Variants in DLGAP1 observed in about 807,000 individuals in gnomAD.
DLGAP1 encodes the protein DLG associated protein 1.
A neutral mutation model predicts 90.8 loss-of-function variants in DLGAP1; 11 were observed. The observed-to-expected ratio is 0.12, with a 90% CI of 0.08 to 0.20. The LOEUF is 0.20. Ranked by LOEUF, DLGAP1 falls within the 10% of genes least tolerant of loss-of-function variation. DLGAP1 has a pLI of 1.00. For missense variants in DLGAP1, 1,050 were observed against 1,333.8 expected, an observed-to-expected ratio of 0.79 and a Z score of 3.31; for synonymous variants, 558 against 540.7, an observed-to-expected ratio of 1.03 and a Z score of -0.44.
intron 1 of DLGAP1, among the ~76,000 whole-genome samples, chr18:4,306,962 T>C (rs1376445846): frequency 3.9e-5 from 6 of 152,230 alleles, no homozygotes; most frequent in Admixed American, 3.9e-4. Flanking sequence ...CAATAGCACG[T>C]TAATTTTAAC....
intron 7 of DLGAP1, among the ~76,000 whole-genome samples, chr18:3,590,769 T>A (rs902481880): frequency 1.7e-4 from 26 of 151,922 alleles, no homozygotes; most frequent in African/African-American, 6.0e-4. Context: ...GCAGGAGAAT[T>A]GCTTGAACCC....
chr18:4,403,533 A>T (rs1468645225), intron 1 of DLGAP1, among the ~76,000 whole-genome samples: 3 of 152,166 alleles, frequency 2.0e-5, no homozygotes, highest in Non-Finnish European at 4.4e-5. Context: ...TGCATGCTTT[A>T]AATTACGCAC....
chr18:3,792,717 T>C (rs1261504596), intron 5 of DLGAP1, among the ~76,000 whole-genome samples: 1 of 152,152 alleles, frequency 6.6e-6, no homozygotes, highest in African/African-American at 2.4e-5. Flanking sequence ...CCAGCTTCTT[T>C]GGGCACCTGT....
intron 7 of DLGAP1, among the ~76,000 whole-genome samples, chr18:3,619,520 G>C (rs1336590500): frequency 6.6e-6 from 1 of 152,068 alleles, no homozygotes; most frequent in Non-Finnish European, 1.5e-5. Context: ...TAGGTGTTTG[G>C]TGCATGGTCA....
chr18:4,092,287 T>C (rs1369567340), intron 2 of DLGAP1, among the ~76,000 whole-genome samples: 1 of 152,166 alleles, frequency 6.6e-6, no homozygotes, highest in East Asian at 1.9e-4. Context: ...TGTTACCTGG[T>C]GCTTATAAGG....
intron 2 of DLGAP1, among the ~76,000 whole-genome samples, chr18:4,045,626 C>T (rs909018762): frequency 2.6e-4 from 39 of 150,976 alleles, no homozygotes; most frequent in African/African-American, 9.5e-4. Flanking sequence ...AACAAAAAAA[C>T]CCAACATATT....
At chr18:3,668,089 C>T (rs2059944866) in intron 7 of DLGAP1, among the ~76,000 whole-genome samples, 2 of 152,178 alleles carry the variant, frequency 1.3e-5, no homozygotes, top group Admixed American at 1.3e-4. Context: ...GGCCCATGAT[C>T]TTTCTTAAAA....
chr18:3,861,362 T>C (rs372079952), intron 4 of DLGAP1, among the ~76,000 whole-genome samples: 2 of 152,244 alleles, frequency 1.3e-5, no homozygotes, highest in Non-Finnish European at 2.9e-5. Context: ...ATCAATTTTA[T>C]GCTTTTAAGG....
intron 7 of DLGAP1, among the ~76,000 whole-genome samples, chr18:3,693,551 C>T (rs1221971965): frequency 6.6e-6 from 1 of 152,200 alleles, no homozygotes; most frequent in Non-Finnish European, 1.5e-5. Context: ...GTGTGCCAGT[C>T]AGATTAGTGG....
chr18:3,747,344 T>C (rs534930269), intron 5 of DLGAP1, among the ~76,000 whole-genome samples: 3 of 152,360 alleles, frequency 2.0e-5, no homozygotes, highest in South Asian at 2.1e-4. Context: ...CGCTTTATAA[T>C]ACCAATGCCA....
chr18:4,439,821 A>G (rs565254715), intron 1 of DLGAP1, among the ~76,000 whole-genome samples: 2 of 152,062 alleles, frequency 1.3e-5, no homozygotes, highest in African/African-American at 2.4e-5. Flanking sequence ...AAAAAATTTT[A>G]AAAAAAGAAA....
intron 1 of DLGAP1, among the ~76,000 whole-genome samples, chr18:4,431,978 T>C (rs2083293144): frequency 6.6e-6 from 1 of 152,224 alleles, no homozygotes. Flanking sequence ...TGTGAAATAG[T>C]TTAAATGTCT....
chr18:3,832,998 T>A (rs2068116072), intron 4 of DLGAP1, among the ~76,000 whole-genome samples: 1 of 152,190 alleles, frequency 6.6e-6, no homozygotes. Context: ...AATAAATACA[T>A]GAGGCATAGA....
intron 1 of DLGAP1, among the ~76,000 whole-genome samples, chr18:4,161,426 T>C (rs966965733): frequency 1.3e-5 from 2 of 152,202 alleles, no homozygotes; most frequent in African/African-American, 4.8e-5. Flanking sequence ...CATGATCTCA[T>C]TTCTTTTCAT....
intron 3 of DLGAP1, among the ~76,000 whole-genome samples, chr18:3,885,843 C>T (rs1178383527): frequency 6.6e-6 from 1 of 152,212 alleles, no homozygotes; most frequent in African/African-American, 2.4e-5. Flanking sequence ...AGAGTTCCAA[C>T]ACCTGGAGCA....
rs1468645487 is a variant in DLGAP1, at chr18:4,192,135, CCTTA to C, written c.-266-40852_-266-40849del. ...TTTTTCTCCTGATCATAAAAAACGC[CCTTA>C]TTTATAACATTTCTCAAGGGTAAGG... On this transcript the variant is annotated intron_variant, in intron 1 of 12. Coordinates refer to ENST00000315677, the MANE Select transcript of DLGAP1 (RefSeq NM_004746.4). Among the ~76,000 whole-genome samples the C allele has an allele frequency of 2.6e-5, 4 of 152,190 alleles. No homozygotes were observed. The South Asian group carries it at 6.2e-4, about 24-fold the overall frequency.
intron 7 of DLGAP1, among the ~76,000 whole-genome samples, chr18:3,632,228 C>T (rs1489898588): frequency 1.3e-5 from 2 of 151,898 alleles, no homozygotes; most frequent in Non-Finnish European, 2.9e-5. Context: ...TTGTAATTTC[C>T]TTTAGCGGTG....
chr18:4,175,727 T>C (rs1043303968), intron 1 of DLGAP1, among the ~76,000 whole-genome samples: 2 of 152,200 alleles, frequency 1.3e-5, no homozygotes, highest in East Asian at 1.9e-4. Context: ...CGGATGTTTA[T>C]AGATGTGTGG....
intron 4 of DLGAP1, among the ~76,000 whole-genome samples, chr18:3,859,734 C>T (rs763551209): frequency 3.9e-5 from 6 of 152,150 alleles, no homozygotes; most frequent in Non-Finnish European, 8.8e-5. Context: ...GGAACATAGC[C>T]CTACTGATGT....
Sources: allele counts gnomAD v4.1 joint callset (sites outside exome capture counted in the v4.1 genomes callset), GRCh38; gene constraint gnomAD v4.1.1; transcripts MANE v1.5; gene names NCBI Gene and HGNC (gene_info 2026-07-23, HGNC 2026-07-21).